Variants in FAM178B observed in about 807,000 individuals in gnomAD.
FAM178B encodes family with sequence similarity 178 member B.
FAM178B carries 82 observed loss-of-function variants against 91.7 expected under a neutral mutation model. The ratio of observed to expected loss-of-function variants is 0.89; its 90% confidence interval spans 0.75 to 1.07. The LOEUF (loss-of-function observed/expected upper bound fraction) is 1.07, where lower values mean the gene tolerates loss of function less well. Among genes scored for constraint, FAM178B ranks in the 50% least tolerant of loss-of-function variants. FAM178B has a pLI of 0.00. For missense variants in FAM178B, 769 were observed against 846.7 expected, an observed-to-expected ratio of 0.91 and a Z score of 1.14; for synonymous variants, 368 against 359.4, an observed-to-expected ratio of 1.02 and a Z score of -0.27.
intron 7 of FAM178B, among the ~76,000 whole-genome samples, chr2:96,950,617 A>C (rs954192962): frequency 1.3e-5 from 2 of 152,126 alleles, no homozygotes; most frequent in African/African-American, 4.8e-5. Flanking sequence ...CTGGGTGGGG[A>C]CCAAGGCCAG....
intron 12 of FAM178B, among the ~76,000 whole-genome samples, chr2:96,905,848 A>ATATACG (rs2081035724): frequency 3.8e-5 from 1 of 26,506 alleles, no homozygotes; most frequent in African/African-American, 1.8e-4. Context: ...ATATATATAT[A>ATATACG]TATATATATA....
At chr2:96,898,045 C>T in intron 13 of FAM178B, 1 of 985,622 alleles carries the variant, frequency 1.0e-6, no homozygotes, top group Non-Finnish European at 1.2e-6. Context: ...CCATCAGGGA[C>T]TCCTGCCCAG....
At chr2:96,958,840 T>C (rs184241857) in intron 6 of FAM178B, among the ~76,000 whole-genome samples, 39 of 151,592 alleles carry the variant, frequency 2.6e-4, no homozygotes, top group African/African-American at 8.2e-4. Flanking sequence ...TAGAGTCTTA[T>C]GTTTTAGAGA....
At position 96,928,231 on chromosome 2, in the gene FAM178B, T is replaced by C. The variant is rs189947713; in HGVS notation, c.1193+975A>G. On this transcript the variant is annotated intron_variant, in intron 9 of 16. Transcript: ENST00000490605. Reference sequence around the variant, plus strand: ...GCGGGAAGCATGGGGGGAAGTCCTATACAACAGCCCCTCCAGGCTTCAAAA... The same window carrying C: ...GCGGGAAGCATGGGGGGAAGTCCTACACAACAGCCCCTCCAGGCTTCAAAA... Among the ~76,000 whole-genome samples, 325 of 152,302 alleles carry C rather than the reference T, an allele frequency of 2.1e-3. 15 individuals are homozygous for C. In the East Asian group the frequency reaches 0.039, roughly 18 times the overall value.
intron 7 of FAM178B, chr2:96,950,113 A>G (rs2081899840): frequency 2.0e-6 from 2 of 985,444 alleles, no homozygotes; most frequent in Non-Finnish European, 2.4e-6. Context: ...GAAGAAACCG[A>G]CACGCCCCCG....
At chr2:96,966,545 G>A (rs2082146330) in intron 5 of FAM178B, among the ~76,000 whole-genome samples, 1 of 152,148 alleles carries the variant, frequency 6.6e-6, no homozygotes. Flanking sequence ...GCCACATCCC[G>A]AAGCTACAGC....
chr2:96,923,533 G>T lies in FAM178B; in HGVS notation c.1244C>A (p.Pro415His), dbSNP rs1414065591. 2 of 1,551,694 alleles carry T rather than the reference G, an allele frequency of 1.3e-6. No homozygotes were observed. Among genetic ancestry groups the T allele is most frequent in the African/African-American group, 1.4e-5 (1 of 73,180 alleles). Residue 415 changes from proline (P) to histidine (H), a missense_variant, in exon 10 of 17, where the codon CCC becomes CAC. Coordinates refer to ENST00000490605, the MANE Select transcript of FAM178B (RefSeq NM_001122646.3). ...GLNENEEQDA[P>H]QEIALDISLG... The stretch of plus-strand genomic sequence containing the variant: ...GCTGATGTCCAAGGCAATCTCTTGG[G>T]GAGCGTCCTGCTCCTCATTCTCATT...
chr2:96,911,449 C>T (rs557768969), intron 12 of FAM178B, among the ~76,000 whole-genome samples: 5 of 152,332 alleles, frequency 3.3e-5, no homozygotes, highest in Admixed American at 2.0e-4. Flanking sequence ...GCGGCAAAAG[C>T]GTGGAAGCCT....
chr2:96,947,867 G>A lies in FAM178B; in HGVS notation c.1029C>T (p.Ala343=), dbSNP rs1182704708. 1.3e-6 allele frequency: 2 copies of A among 1,548,914 alleles called. No homozygotes were observed. Among genetic ancestry groups the A allele is most frequent in the Non-Finnish European group, 1.7e-6 (2 of 1,144,948 alleles). Residue 343 remains alanine (A), a synonymous_variant, in exon 8 of 17, where the codon GCC becomes GCT. Coordinates refer to ENST00000490605, the MANE Select transcript of FAM178B (RefSeq NM_001122646.3). ...CAATGAGATCCCACAGAAGACCAAAGGCTCCCAAAGATGTTTCTGGAGGCC... is the reference window on the plus strand; with the variant it reads ...CAATGAGATCCCACAGAAGACCAAAAGCTCCCAAAGATGTTTCTGGAGGCC... ...LTWPPETSLG[A]FGLLWDLIVD... is the part of the protein sequence containing the mutation.
chr2:96,913,094 A>T (rs774045817), intron 12 of FAM178B, among the ~76,000 whole-genome samples: 7 of 152,228 alleles, frequency 4.6e-5, no homozygotes, highest in Non-Finnish European at 8.8e-5. Context: ...CAAACGGTAC[A>T]AGAATAAGGG....
intron 7 of FAM178B, among the ~76,000 whole-genome samples, chr2:96,949,180 AG>A (rs1020611233): frequency 1.3e-5 from 2 of 152,182 alleles, no homozygotes; most frequent in African/African-American, 4.8e-5. Flanking sequence ...TTAAAGCCCC[AG>A]GGAGGAGTAC....
intron 12 of FAM178B, among the ~76,000 whole-genome samples, chr2:96,912,766 A>G (rs2081180501): frequency 6.6e-6 from 1 of 152,116 alleles, no homozygotes; most frequent in South Asian, 2.1e-4. Context: ...TGCGACCTTC[A>G]TCTTGCCTCT....
At chr2:96,876,426 C>A (rs543151045) in intron 16 of FAM178B, 118 bp from the exon 17 acceptor site, 1 of 1,297,736 alleles carries the variant, frequency 7.7e-7, no homozygotes, top group Non-Finnish European at 1.1e-6. Context: ...TGCCAGGGGC[C>A]GAGTGAGCAG....
intron 4 of FAM178B, among the ~76,000 whole-genome samples, chr2:96,968,431 T>C (rs566992818): frequency 2.2e-4 from 33 of 152,180 alleles, no homozygotes; most frequent in Non-Finnish European, 4.3e-4. Flanking sequence ...GCCCAGGCTG[T>C]GGAGAGAGCC....
chr2:96,979,408 G>A (rs1392802137), intron 1 of FAM178B, among the ~76,000 whole-genome samples: 2 of 151,090 alleles, frequency 1.3e-5, no homozygotes. Flanking sequence ...CATCATGTTG[G>A]CCAAGCTGGT....
chr2:96,936,187 T>TTTTA (rs921289172), intron 8 of FAM178B, among the ~76,000 whole-genome samples: 25 of 152,030 alleles, frequency 1.6e-4, no homozygotes, highest in African/African-American at 4.6e-4. Context: ...GTATTCTTCT[T>TTTTA]TTTATTTATT....
chr2:96,899,564 T>A (rs1376218868), intron 13 of FAM178B, among the ~76,000 whole-genome samples: 2 of 144,876 alleles, frequency 1.4e-5, no homozygotes, highest in African/African-American at 5.1e-5. Context: ...CCATGTACTT[T>A]AAAAAAAAAA....
intron 14 of FAM178B, among the ~76,000 whole-genome samples, chr2:96,882,618 G>A (rs1399442020): frequency 2.0e-5 from 3 of 152,204 alleles, no homozygotes; most frequent in Admixed American, 2.0e-4. Flanking sequence ...AGCCCAGGCT[G>A]CACTCCCTGC....
chr2:96,935,089 T>C (rs1478640181), intron 8 of FAM178B, among the ~76,000 whole-genome samples: 1 of 152,158 alleles, frequency 6.6e-6, no homozygotes, highest in Non-Finnish European at 1.5e-5. Context: ...CAGAGCGACA[T>C]TGTGCCAAAC....
Sources: allele counts gnomAD v4.1 joint callset (sites outside exome capture counted in the v4.1 genomes callset), GRCh38; gene constraint gnomAD v4.1.1; transcripts MANE v1.5; gene names NCBI Gene and HGNC (gene_info 2026-07-23, HGNC 2026-07-21).